CSMD1: variants seen among roughly 807,000 people sequenced by gnomAD.
CSMD1 encodes CUB and Sushi multiple domains 1, also known as CUB and sushi domain-containing protein 1.
A neutral mutation model predicts 417.5 loss-of-function variants in CSMD1; 213 were observed. The ratio of observed to expected loss-of-function variants is 0.51; its 90% confidence interval spans 0.46 to 0.57. The LOEUF (loss-of-function observed/expected upper bound fraction) is 0.57, where lower values mean the gene tolerates loss of function less well. CSMD1 is among the 20% of genes least tolerant of loss of function. The pLI is 0.00. For synonymous variants in CSMD1, 2,862 were observed against 1,736.8 expected (o/e 1.65, Z -16.11); for missense variants, 6,923 against 4,529.7 (o/e 1.53, Z -15.17).
chr8:3,963,910 T>C (rs1482366395), intron 5 of CSMD1, among the ~76,000 whole-genome samples: 2 of 152,244 alleles, frequency 1.3e-5, no homozygotes, highest in Non-Finnish European at 2.9e-5. Flanking sequence ...TAACTCATTG[T>C]ATCCCAAATT....
chr8:2,983,567 G>A (rs532627550), intron 54 of CSMD1, among the ~76,000 whole-genome samples: 2 of 152,250 alleles, frequency 1.3e-5, no homozygotes, highest in East Asian at 1.9e-4. Flanking sequence ...GGCTTTACTT[G>A]AAGGCTCTGA....
chr8:3,710,862 A>C lies in CSMD1; in HGVS notation c.932-2371T>G, dbSNP rs1296088267. 3.9e-5 allele frequency among the ~76,000 whole-genome samples: 6 copies of C among 151,984 alleles called. No individual in the cohort carries two copies. In the East Asian group the frequency reaches 1.2e-3, roughly 30 times the overall value. On this transcript the variant is annotated intron_variant, in intron 6 of 69. Coordinates refer to ENST00000635120, the MANE Select transcript of CSMD1 (RefSeq NM_033225.6). ...GAAATCTTCCAGCCCCAAACTCCAA[A>C]CCTTTCCACGTGGGCTACTGGCTGG...
intron 3 of CSMD1, among the ~76,000 whole-genome samples, chr8:4,296,916 G>A (rs1188945483): frequency 2.6e-5 from 4 of 151,976 alleles, no homozygotes; most frequent in Non-Finnish European, 5.9e-5. Flanking sequence ...ATATTCCTGT[G>A]CATGAGTGAT....
intron 20 of CSMD1, among the ~76,000 whole-genome samples, chr8:3,359,759 C>G (rs902291663): frequency 1.3e-5 from 2 of 151,916 alleles, no homozygotes; most frequent in African/African-American, 4.8e-5. Flanking sequence ...GAAATGTTCC[C>G]AACACAAAGA....
At chr8:3,391,742 A>G (rs186572264) in intron 17 of CSMD1, among the ~76,000 whole-genome samples, 175 of 152,322 alleles carry the variant, frequency 1.1e-3, no homozygotes, top group African/African-American at 3.8e-3. Context: ...CGCTGCAAAT[A>G]TAAGTCAGCC....
At chr8:3,151,541 G>C (rs781243814) in intron 39 of CSMD1, 28 bp from the exon 40 acceptor site, 1 of 1,417,320 alleles carries the variant, frequency 7.1e-7, no homozygotes, top group Non-Finnish European at 9.9e-7. Flanking sequence ...TGTCAGTCCT[G>C]CAGGTCCTCA....
At chr8:4,894,698 CTGTGTGTGTG>C (rs1199351387) in intron 1 of CSMD1, among the ~76,000 whole-genome samples, 28 of 150,014 alleles carry the variant, frequency 1.9e-4, no homozygotes, top group East Asian at 3.9e-4. Context: ...ATCTGAAAGA[CTGTGTGTGTG>C]TGTGTGTGTG....
chr8:4,902,498 A>G (rs4875125), intron 1 of CSMD1, among the ~76,000 whole-genome samples: 136,834 of 151,910 alleles, frequency 0.9, 61,863 homozygotes, highest in East Asian at 1. Flanking sequence ...AATATAATGT[A>G]GTTTGCAAAG....
intron 1 of CSMD1, among the ~76,000 whole-genome samples, chr8:4,712,761 T>C (rs1460319770): frequency 6.6e-6 from 1 of 150,900 alleles, no homozygotes; most frequent in Non-Finnish European, 1.5e-5. Flanking sequence ...GTTTCCTCCT[T>C]CTTTCTTTTG....
At chr8:3,781,929 T>C (rs899742025) in intron 5 of CSMD1, among the ~76,000 whole-genome samples, 1 of 152,216 alleles carries the variant, frequency 6.6e-6, no homozygotes, top group Non-Finnish European at 1.5e-5. Flanking sequence ...ATAAGAACTA[T>C]AATCTCACAT....
chr8:3,245,788 C>T (rs1352692478), intron 26 of CSMD1, among the ~76,000 whole-genome samples: 1 of 152,172 alleles, frequency 6.6e-6, no homozygotes, highest in South Asian at 2.1e-4. Context: ...TTGTGTTAAG[C>T]CCTCTTGCTA....
intron 1 of CSMD1, among the ~76,000 whole-genome samples, chr8:4,722,977 T>C (rs1039890538): frequency 1.3e-5 from 2 of 152,202 alleles, no homozygotes; most frequent in Middle Eastern, 3.2e-3. Context: ...TGCTAAGGTA[T>C]CATTTTTCTT....
intron 3 of CSMD1, among the ~76,000 whole-genome samples, chr8:4,209,537 G>C (rs1039543295): frequency 2.6e-5 from 4 of 152,176 alleles, no homozygotes; most frequent in Admixed American, 6.5e-5. Flanking sequence ...AGCCGCGTGA[G>C]ATTCCTTGCT....
At chr8:3,214,229 T>G (rs1170641987) in intron 30 of CSMD1, among the ~76,000 whole-genome samples, 1 of 152,028 alleles carries the variant, frequency 6.6e-6, no homozygotes, top group African/African-American at 2.4e-5. Flanking sequence ...AGAACAGATC[T>G]AGAACACACA....
chr8:4,015,833 C>A (rs1367592610), intron 4 of CSMD1, among the ~76,000 whole-genome samples: 1 of 152,162 alleles, frequency 6.6e-6, no homozygotes, highest in African/African-American at 2.4e-5. Context: ...AGCGGCGTAA[C>A]TTCCCAATAA....
rs373170998 is a variant in CSMD1 at position 3,517,620 on chromosome 8, C to T, written c.1345-23894G>A. ...GGCTGAGGGAATAATATTTACTATACGATTTTTTTGGGGAAAAAGGCTTTC... is the reference window on the plus strand; with the variant it reads ...GGCTGAGGGAATAATATTTACTATATGATTTTTTTGGGGAAAAAGGCTTTC... On this transcript the variant is annotated intron_variant, in intron 10 of 69. Coordinates refer to ENST00000635120, the MANE Select transcript of CSMD1 (RefSeq NM_033225.6). Among the ~76,000 whole-genome samples the T allele has an allele frequency of 1.2e-3, 186 of 152,278 alleles. 1 individual carries two copies. Among genetic ancestry groups the T allele is most frequent in the African/African-American group, 4.2e-3 (173 of 41,556 alleles).
chr8:4,156,104 A>G (rs999293412), intron 3 of CSMD1, among the ~76,000 whole-genome samples: 1 of 152,116 alleles, frequency 6.6e-6, no homozygotes, highest in Non-Finnish European at 1.5e-5. Flanking sequence ...AGAGCATAAT[A>G]ATCATCCGAT....
chr8:3,690,829 T>C (rs1242308342), intron 7 of CSMD1, among the ~76,000 whole-genome samples: 2 of 152,132 alleles, frequency 1.3e-5, no homozygotes, highest in East Asian at 1.9e-4. Context: ...ACTAGCAAAA[T>C]TGAGGTTCTT....
At chr8:3,801,463 A>G (rs1800456922) in intron 5 of CSMD1, among the ~76,000 whole-genome samples, 1 of 152,168 alleles carries the variant, frequency 6.6e-6, no homozygotes, top group South Asian at 2.1e-4. Context: ...ATCACTGGAC[A>G]GATGATAATA....
Sources: allele counts gnomAD v4.1 joint callset (sites outside exome capture counted in the v4.1 genomes callset), GRCh38; gene constraint gnomAD v4.1.1; transcripts MANE v1.5; gene names NCBI Gene and HGNC (gene_info 2026-07-23, HGNC 2026-07-21).